Variants in CYP4F8 observed in about 807,000 individuals in gnomAD.
The protein encoded by CYP4F8 is cytochrome P450 family 4 subfamily F member 8, also known as cytochrome P450 4F8.
In CYP4F8, 56 loss-of-function variants were observed where a neutral mutation model predicts 55.0. The observed-to-expected ratio is 1.02, with a 90% CI of 0.82 to 1.27. CYP4F8 has a LOEUF of 1.27. CYP4F8 is among the 50% of genes most tolerant of loss of function. CYP4F8 has a pLI of 0.00. For synonymous variants in CYP4F8, 288 were observed against 267.3 expected (o/e 1.08, Z -0.76); for missense variants, 680 against 682.4 (o/e 1.00, Z 0.04).
chr19:15,624,161 C>A, intron 9 of CYP4F8, 67 bp downstream of exon 9: 1 of 1,580,390 alleles, frequency 6.3e-7, no homozygotes, highest in Non-Finnish European at 8.6e-7. Context: ...TTCTTCTCCC[C>A]AGGTGGGGGA....
Position 15,630,338 on chromosome 19 carries a change from C to T in CYP4F8, c.*980C>T, listed in dbSNP as rs553640440. ...CTCCCTGCTTCCCCTGTCTAGTAGT[C>T]CCCAGGATCTGTTGTTCCCATCTTT... is the stretch of plus-strand genomic sequence containing the variant. On this transcript the variant is annotated 3_prime_UTR_variant, in exon 13 of 13. Transcript: ENST00000612078. 2 of 152,136 alleles carry T rather than the reference C, an allele frequency of 1.3e-5. No individual in the cohort carries two copies. Among genetic ancestry groups the T allele is most frequent in the Non-Finnish European group, 2.9e-5 (2 of 68,030 alleles). 9.4% of individuals were successfully genotyped at this position (152,136 alleles called of 1,614,324 possible). A position where few individuals can be genotyped will look rare whatever the true frequency, so the allele number is the denominator to read the frequency against.
At chr19:15,619,319 C>T (rs1407434332) in intron 3 of CYP4F8, 171 bp from the exon 4 acceptor site, 13 of 662,480 alleles carry the variant, frequency 2.0e-5, no homozygotes, top group Admixed American at 5.8e-5. Context: ...CAGCCTAGTC[C>T]GGTCCCCTTT....
At chr19:15,619,581 T>C (rs770138173) in intron 4 of CYP4F8, 38 bp downstream of exon 4, 5 of 1,614,046 alleles carry the variant, frequency 3.1e-6, no homozygotes, top group Admixed American at 3.3e-5. Flanking sequence ...GGACCAACTT[T>C]TGTGGCCAGG....
chr19:15,626,021 A>G (rs1298372185), intron 9 of CYP4F8, among the ~76,000 whole-genome samples: 1 of 152,166 alleles, frequency 6.6e-6, no homozygotes, highest in Non-Finnish European at 1.5e-5. Flanking sequence ...CCGTGGTTGC[A>G]TGCTATGATT....
rs1255738999 is a variant in CYP4F8, at chr19:15,623,980, C to T, written c.1001C>T (p.Ala334Val). The stretch of plus-strand genomic sequence containing the variant: ...TGACCCTCAGGCCATGACACCACGG[C>T]CAGTGGCCTCTCCTGGGTCTTGTAC... The part of the protein sequence containing the change: ...TFMFGGHDTT[A>V]SGLSWVLYNL... The change falls in exon 9 of 13, where the codon GCC becomes GTC. Residue 334 changes from alanine (A) to valine (V), a missense_variant. Transcript: ENST00000612078. 2 of 1,614,156 alleles carry T rather than the reference C, an allele frequency of 1.2e-6. No homozygotes were observed. Among genetic ancestry groups the T allele is most frequent in the Non-Finnish European group, 1.7e-6 (2 of 1,180,018 alleles).
chr19:15,615,753 G>A lies in CYP4F8; in HGVS notation c.137G>A (p.Arg46His), dbSNP rs759868879. Residue 46 changes from arginine (R) to histidine (H), a missense_variant, in exon 2 of 13, where the codon CGC (arginine) becomes CAC (histidine). Coordinates refer to ENST00000612078, the MANE Select transcript of CYP4F8 (RefSeq NM_007253.4). ...ACCTATGCCTTCTATCACAACGGCC[G>A]CCGCCTCCGGTGTTTCCCGCAGCCC... ...AWTYAFYHNG[R>H]RLRCFPQPRK... 29 of 1,613,872 alleles carry A rather than the reference G, an allele frequency of 1.8e-5. No individual in the cohort carries two copies. Among genetic ancestry groups the A allele is most frequent in the African/African-American group, 2.7e-5 (2 of 74,910 alleles).
chr19:15,628,943 G>A (rs2144613566), intron 12 of CYP4F8, 100 bp downstream of exon 12: 2 of 1,384,404 alleles, frequency 1.4e-6, no homozygotes, highest in East Asian at 2.3e-5. Flanking sequence ...TTCTGTGATA[G>A]GGGTTTTAAA....
At chr19:15,624,140 C>A (rs1029912269) in intron 9 of CYP4F8, 46 bp downstream of exon 9, 2 of 1,598,778 alleles carry the variant, frequency 1.3e-6, no homozygotes, top group African/African-American at 1.3e-5. Context: ...TTTCTGAGTC[C>A]TTCTCGTTGG....
chr19:15,621,442 C>T (rs1300084953), intron 5 of CYP4F8, among the ~76,000 whole-genome samples: 1 of 152,302 alleles, frequency 6.6e-6, no homozygotes, highest in Non-Finnish European at 1.5e-5. Context: ...AGGAGAATTG[C>T]TTGAACCCAG....
At position 15,629,294 on chromosome 19, in the gene CYP4F8, G is replaced by A. The variant is rs1281540478; in HGVS notation, c.1499G>A (p.Arg500Lys). ...CTGCCCGACCACAGGGAGCCACGCA[G>A]GACGCCGGAGATTGTTTTGCGTGCG... The part of the protein sequence containing the change: ...RILPDHREPR[R>K]TPEIVLRAED... The change falls in exon 13 of 13, where the codon AGG (arginine) becomes AAG (lysine). Residue 500 changes from arginine to lysine, a missense_variant. Transcript: ENST00000612078. 1 of 1,613,084 alleles carries A rather than the reference G, an allele frequency of 6.2e-7. No homozygotes were observed. The highest frequency in any genetic ancestry group is 8.5e-7 in the Non-Finnish European group (1 of 1,179,640).
rs1972216057 is a variant in CYP4F8 at position 15,623,145 on chromosome 19, G to T, written c.688G>T (p.Ala230Ser). 6.2e-7 allele frequency: 1 copy of T among 1,613,982 alleles called. No homozygotes were observed. Among genetic ancestry groups the T allele is most frequent in the African/African-American group, 1.3e-5 (1 of 74,892 alleles). The change falls in exon 7 of 13, where the codon GCC becomes TCC. Residue 230 changes from alanine (A) to serine (S), a missense_variant. Coordinates refer to ENST00000612078, the MANE Select transcript of CYP4F8 (RefSeq NM_007253.4). ...TATTACTGCGATCATGGAGCTCAGT[G>T]CCCTTGTAGTGAAACGGAATAACCA... is the stretch of plus-strand genomic sequence containing the variant. ...EYITAIMELS[A>S]LVVKRNNQFF...
chr19:15,615,999 T>TCTGC (rs1972113045), intron 2 of CYP4F8, among the ~76,000 whole-genome samples, 185 bp downstream of exon 2: 2 of 70,554 alleles, frequency 2.8e-5, no homozygotes, highest in Non-Finnish European at 6.4e-5. Context: ...TCACTCATTC[T>TCTGC]CCTCACTCAC....
In CYP4F8 at chr19:15,615,683, C is replaced by A. The variant is rs1348600194; in HGVS notation, c.67C>A (p.Leu23Met). The A allele has an allele frequency of 6.2e-7, 1 of 1,614,058 alleles. No homozygotes were observed. Among genetic ancestry groups the A allele is most frequent in the Admixed American group, 1.7e-5 (1 of 60,022 alleles). Reference protein sequence around the residue: ...PVAASPWLLLLVVGASWLLAR... With the variant: ...PVAASPWLLLMVVGASWLLAR... ...GGCAGCATCCCCGTGGCTGCTCCTG[C>A]TGGTGGTCGGGGCCTCCTGGCTCCT... The change falls in exon 2 of 13, where the codon CTG becomes ATG. Residue 23 changes from leucine (L) to methionine (M), a missense_variant. Leu to Met is a conservative substitution (Grantham distance 15, BLOSUM62 2). Coordinates refer to ENST00000612078, the MANE Select transcript of CYP4F8 (RefSeq NM_007253.4).
intron 8 of CYP4F8, 59 bp from the exon 9 acceptor site, chr19:15,623,906 G>C: frequency 6.2e-7 from 1 of 1,603,558 alleles, no homozygotes; most frequent in Non-Finnish European, 8.5e-7. Flanking sequence ...TATGGGCGCT[G>C]TCCACCCTCT....
intron 5 of CYP4F8, chr19:15,621,964 G>C (rs1185839607): frequency 5.2e-6 from 2 of 388,140 alleles, no homozygotes; most frequent in Non-Finnish European, 9.2e-6. Flanking sequence ...GTGAGACCTA[G>C]AGGAGGGCTG....
intron 8 of CYP4F8, 82 bp downstream of exon 8, chr19:15,623,847 C>T (rs902019995): frequency 1.3e-5 from 20 of 1,598,196 alleles, no homozygotes; most frequent in East Asian, 9.0e-5. Context: ...TGAATCACTT[C>T]ATTCTGCCCA....
At chr19:15,615,562 C>T in intron 1 of CYP4F8, 54 bp from the exon 2 acceptor site, 1 of 1,582,388 alleles carries the variant, frequency 6.3e-7, no homozygotes, top group Non-Finnish European at 8.6e-7. Flanking sequence ...CTGGAGCTCC[C>T]CAGCCCCTTT....
chr19:15,620,655 A>G (rs11668837), intron 5 of CYP4F8, among the ~76,000 whole-genome samples: 71,063 of 152,010 alleles, frequency 0.47, 17,336 homozygotes, highest in Non-Finnish European at 0.54. Context: ...GCCTCACAAA[A>G]TGCTGGAATT....
At chr19:15,622,709 G>A in intron 6 of CYP4F8, 1 of 361,078 alleles carries the variant, frequency 2.8e-6, no homozygotes, top group South Asian at 2.9e-5. Context: ...AGGTGTTTGA[G>A]CAGATGAGAG....
Sources: allele counts gnomAD v4.1 joint callset (sites outside exome capture counted in the v4.1 genomes callset), GRCh38; gene constraint gnomAD v4.1.1; transcripts MANE v1.5; gene names NCBI Gene and HGNC (gene_info 2026-07-23, HGNC 2026-07-21).